The following ATP2B1 variants were observed in gnomAD, a reference collection of about 807,000 sequenced individuals.
ATP2B1 encodes ATPase plasma membrane Ca2+ transporting 1.
A neutral mutation model predicts 124.2 loss-of-function variants in ATP2B1; 14 were observed. The ratio of observed to expected loss-of-function variants is 0.11; its 90% confidence interval spans 0.07 to 0.18. ATP2B1 has a LOEUF of 0.18. ATP2B1 is among the 10% of genes least tolerant of loss of function. The pLI is 1.00. For synonymous variants in ATP2B1, 449 were observed against 492.4 expected, an observed-to-expected ratio of 0.91 and a Z score of 1.17; for missense variants, 763 against 1,466.1, an observed-to-expected ratio of 0.52 and a Z score of 7.83.
In ATP2B1 at chr12:89,645,986, G is replaced by T. The variant is rs891108152; in HGVS notation, c.209-3631C>A. On this transcript the variant is annotated intron_variant, in intron 2 of 20. Coordinates refer to ENST00000428670, the MANE Select transcript of ATP2B1 (RefSeq NM_001366521.1). ...TGCTTGTATTTGGGTTTTAGAAGTG[G>T]AGGCAGAAGGGGATAAGTGGATTTG... 2.0e-5 allele frequency among the ~76,000 whole-genome samples: 3 copies of T among 152,196 alleles called. 1 individual carries two copies. In the South Asian group the frequency reaches 6.2e-4, roughly 32 times the overall value.
chr12:89,683,731 C>G (rs1248721666), intron 1 of ATP2B1, among the ~76,000 whole-genome samples: 1 of 152,136 alleles, frequency 6.6e-6, no homozygotes, highest in Non-Finnish European at 1.5e-5. Context: ...CTGTTTTACA[C>G]AATTAAGTTT....
intron 12 of ATP2B1, among the ~76,000 whole-genome samples, chr12:89,615,948 A>T (rs1426937375): frequency 5.5e-4 from 1 of 1,810 alleles, no homozygotes; most frequent in Non-Finnish European, 8.8e-3. Context: ...TAGACATTTA[A>T]AAAAATTACT....
rs925873406 is a variant in ATP2B1, at chr12:89,589,257, C to T, written c.*1727G>A. The T allele has an allele frequency of 1.3e-5, 2 of 152,478 alleles. No individual in the cohort carries two copies. The highest frequency in any genetic ancestry group is 4.8e-5 in the African/African-American group (2 of 41,396). The allele number at this position is 152,478 out of a possible 1,614,324, so 9.4% of individuals were successfully genotyped here. On this transcript the variant is annotated 3_prime_UTR_variant, in exon 21 of 21. Coordinates refer to ENST00000428670, the MANE Select transcript of ATP2B1 (RefSeq NM_001366521.1). ...CACTCTCAGTTATAGTAGCAGTCCT[C>T]GTAAACTTTATGTCAGCCTGAGGAT...
Position 89,603,456 on chromosome 12 carries a change from C to T in ATP2B1, c.2849-202G>A, listed in dbSNP as rs17380921. 0.036 allele frequency: 22,690 copies of T among 635,144 alleles called. 532 individuals are homozygous for T. The highest frequency in any genetic ancestry group is 0.046 in the Non-Finnish European group (17,008 of 373,650). The allele number at this position is 635,144 out of a possible 1,614,324, so 39.3% of individuals were successfully genotyped here. A position where few individuals can be genotyped will look rare whatever the true frequency, so the allele number is the denominator to read the frequency against. ...AAGCTCCCAAAACTATGGTGATAATCTCAGGATCACATATCTAAATTAGTG... is the reference window on the plus strand; with the variant it reads ...AAGCTCCCAAAACTATGGTGATAATTTCAGGATCACATATCTAAATTAGTG... On this transcript the variant is annotated intron_variant, in intron 17 of 20. Coordinates refer to ENST00000428670, the MANE Select transcript of ATP2B1 (RefSeq NM_001366521.1). The surrounding 1 kb of genome is among the most constrained non-coding windows in gnomAD (Gnocchi z 4.3).
intron 1 of ATP2B1, among the ~76,000 whole-genome samples, chr12:89,659,816 G>A (rs544361561): frequency 9.2e-5 from 14 of 151,540 alleles, no homozygotes; most frequent in Admixed American, 4.6e-4. Context: ...CCAGCTACTC[G>A]GGAGGCTGAG....
At chr12:89,653,398 G>A (rs900371932) in intron 2 of ATP2B1, among the ~76,000 whole-genome samples, 1 of 144,810 alleles carries the variant, frequency 6.9e-6, no homozygotes, top group African/African-American at 2.6e-5. Context: ...CCGGGTTCAC[G>A]CTATTCTCCT....
At chr12:89,688,502 T>C (rs1334306251) in intron 1 of ATP2B1, among the ~76,000 whole-genome samples, 2 of 152,100 alleles carry the variant, frequency 1.3e-5, no homozygotes, top group African/African-American at 2.4e-5. Flanking sequence ...CTATGATAAA[T>C]GGACAGACAA....
chr12:89,590,791 C>A lies in ATP2B1; in HGVS notation c.*193G>T, dbSNP rs971086069. Reference sequence around the variant, plus strand: ...CTGTCAGTTCATTTCTCCCACCCCCCAAAAAGCACCCTCAGTCTGGCAGAA... The same window carrying A: ...CTGTCAGTTCATTTCTCCCACCCCCAAAAAAGCACCCTCAGTCTGGCAGAA... On this transcript the variant is annotated 3_prime_UTR_variant, in exon 21 of 21. Transcript: ENST00000428670. 6.6e-6 allele frequency: 4 copies of A among 602,012 alleles called. No homozygotes were observed. The highest frequency in any genetic ancestry group is 2.2e-5 in the South Asian group (1 of 45,078). The allele number at this position is 602,012 out of a possible 1,614,324, so 37.3% of individuals were successfully genotyped here. A position where few individuals can be genotyped will look rare whatever the true frequency, so the allele number is the denominator to read the frequency against.
At chr12:89,673,264 A>G (rs921211622) in intron 1 of ATP2B1, among the ~76,000 whole-genome samples, 8 of 152,222 alleles carry the variant, frequency 5.3e-5, no homozygotes, top group African/African-American at 1.9e-4. Flanking sequence ...GAAATATTAT[A>G]TGCAACATTT....
At chr12:89,639,023 A>G (rs2136220749) in intron 3 of ATP2B1, among the ~76,000 whole-genome samples, 1 of 152,334 alleles carries the variant, frequency 6.6e-6, no homozygotes, top group South Asian at 2.1e-4. Flanking sequence ...ACCAGTAACT[A>G]TAGATTTATT....
chr12:89,638,973 T>C (rs557928641), intron 3 of ATP2B1, among the ~76,000 whole-genome samples: 1 of 152,282 alleles, frequency 6.6e-6, no homozygotes, highest in South Asian at 2.1e-4. Flanking sequence ...TAAAGAGGTC[T>C]CGAGACCAAA....
chr12:89,675,965 T>C (rs1888555839), intron 1 of ATP2B1, among the ~76,000 whole-genome samples: 1 of 152,166 alleles, frequency 6.6e-6, no homozygotes, highest in Non-Finnish European at 1.5e-5. Context: ...ACTGGAAGAA[T>C]TTCTTTTTTA....
At chr12:89,681,552 A>C (rs1889356274) in intron 1 of ATP2B1, among the ~76,000 whole-genome samples, 1 of 151,994 alleles carries the variant, frequency 6.6e-6, no homozygotes, top group Non-Finnish European at 1.5e-5. Flanking sequence ...AGCTAATGCA[A>C]GTTTCTTATG....
chr12:89,691,803 A>C (rs59087567), intron 1 of ATP2B1, among the ~76,000 whole-genome samples: 2,567 of 152,226 alleles, frequency 0.017, 67 homozygotes, highest in African/African-American at 0.059. Context: ...TTCCATGTTG[A>C]GTCTATGGGA....
intron 1 of ATP2B1, among the ~76,000 whole-genome samples, chr12:89,658,639 G>GAGAGAT (rs1565882709): frequency 4.0e-5 from 6 of 150,664 alleles, no homozygotes; most frequent in African/African-American, 1.5e-4. Context: ...GAGAGAGAGA[G>GAGAGAT]AGAGAGAGAT....
At chr12:89,695,068 A>AAAAAAAAG (rs1472844328) in intron 1 of ATP2B1, among the ~76,000 whole-genome samples, 12 of 84,758 alleles carry the variant, frequency 1.4e-4, no homozygotes, top group Admixed American at 4.4e-4. Flanking sequence ...CAAAAAAAAA[A>AAAAAAAAG]AAAGAAAAGA....
In ATP2B1 at chr12:89,588,496, G is replaced by A. The variant is rs894343418; in HGVS notation, c.*2488C>T. On this transcript the variant is annotated 3_prime_UTR_variant, in exon 21 of 21. Transcript: ENST00000428670. The stretch of plus-strand genomic sequence containing the variant: ...AGAGGATAAAAGAGAAAAAGTGATT[G>A]AATTACAGATTTCAGCTATACATAC... 3.3e-5 allele frequency: 5 copies of A among 152,542 alleles called. No individual in the cohort carries two copies. The highest frequency in any genetic ancestry group is 1.2e-4 in the African/African-American group (5 of 41,446). 9.4% of individuals were successfully genotyped at this position (152,542 alleles called of 1,614,324 possible).
Position 89,624,529 on chromosome 12 carries a change from C to A in ATP2B1, c.1130-132G>T, listed in dbSNP as rs932659752. 146 of 775,514 alleles carry A rather than the reference C, an allele frequency of 1.9e-4. 1 individual carries two copies. Among genetic ancestry groups the A allele is most frequent in the South Asian group, 6.0e-4 (31 of 51,458 alleles). 48.0% of individuals were successfully genotyped at this position (775,514 alleles called of 1,614,324 possible). Reference sequence around the variant, plus strand: ...ATTGAATTTCTCTGAGAAATTACTTCTTTCTTGCACCTTATAACTTGACAT... The same window carrying A: ...ATTGAATTTCTCTGAGAAATTACTTATTTCTTGCACCTTATAACTTGACAT... On this transcript the variant is annotated intron_variant, in intron 8 of 20. Transcript: ENST00000428670.
At chr12:89,696,742 C>G (rs1891180331) in intron 1 of ATP2B1, among the ~76,000 whole-genome samples, 1 of 152,042 alleles carries the variant, frequency 6.6e-6, no homozygotes. Context: ...ATTCATAGCC[C>G]TTTAAAACTA....
Sources: gnomAD v4.1 joint callset for allele counts (sites outside exome capture counted in the v4.1 genomes callset) on GRCh38, gnomAD v4.1.1 for gene constraint, Gnocchi (gnomAD v3.1) non-coding constraint, MANE v1.5 for transcripts, NCBI Gene and HGNC (gene_info 2026-07-23, HGNC 2026-07-21) for gene names.